ABHD2: variants seen among roughly 807,000 people sequenced by gnomAD.
ABHD2 encodes abhydrolase domain containing 2, acylglycerol lipase.
A neutral mutation model predicts 48.1 loss-of-function variants in ABHD2; 20 were observed. The observed-to-expected ratio is 0.42, with a 90% CI of 0.29 to 0.60. The LOEUF is 0.60. Ranked by LOEUF, ABHD2 falls within the 20% of genes least tolerant of loss-of-function variation. The pLI is 0.24. For synonymous variants in ABHD2, 209 were observed against 214.2 expected (o/e 0.98, Z 0.21); for missense variants, 405 against 550.9 (o/e 0.74, Z 2.65).
chr15:89,100,411 C>T lies in ABHD2; in HGVS notation c.-107+11848C>T, dbSNP rs1162455360. 1.3e-5 allele frequency among the ~76,000 whole-genome samples: 2 copies of T among 152,014 alleles called. No individual in the cohort carries two copies. Among genetic ancestry groups the T allele is most frequent in the East Asian group, 3.8e-4 (2 of 5,198 alleles). The stretch of plus-strand genomic sequence containing the variant: ...AGTGATCCTCCCACTTGCCCGAAGC[C>T]ACACAACTAGTAAGTAGTGTAGCTG... On this transcript the variant is annotated intron_variant, in intron 1 of 10. Coordinates refer to ENST00000352732, the MANE Select transcript of ABHD2 (RefSeq NM_152924.5). The surrounding 1 kb of genome is among the most constrained non-coding windows in gnomAD (Gnocchi z 4.4).
In ABHD2 at chr15:89,120,014, C is replaced by T. The variant is rs149997842; in HGVS notation, c.194+3493C>T. ...GTGAATATTAGTCAGTAATCCTGAC[C>T]GCGGGTAGCTGGTTATGATGACATG... On this transcript the variant is annotated intron_variant, in intron 3 of 10. Coordinates refer to ENST00000352732, the MANE Select transcript of ABHD2 (RefSeq NM_152924.5). The surrounding 1 kb of genome is among the most constrained non-coding windows in gnomAD (Gnocchi z 4.2). Among the ~76,000 whole-genome samples, 17 of 152,206 alleles carry T rather than the reference C, an allele frequency of 1.1e-4. No homozygotes were observed. Among genetic ancestry groups the T allele is most frequent in the African/African-American group, 3.4e-4 (14 of 41,512 alleles).
chr15:89,048,698 G>A, the ABHD2 span, among the ~76,000 whole-genome samples: 1 of 151,912 alleles, frequency 6.6e-6, no homozygotes, highest in Admixed American at 6.6e-5. Context: ...ATCAGCTCCT[G>A]AGGCTTCTGC....
rs766884528 is a variant in ABHD2, at chr15:89,116,418, C to T, written c.91C>T (p.Arg31Trp). ...AVAAVLYVIV[R>W]CLNLKSPTAP... Reference sequence around the variant, plus strand: ...GGCTGCTGTGCTGTACGTGATCGTCCGGTGTTTGAACCTGAAGAGCCCCAC... The same window carrying T: ...GGCTGCTGTGCTGTACGTGATCGTCTGGTGTTTGAACCTGAAGAGCCCCAC... Residue 31 changes from arginine to tryptophan, a missense_variant, in exon 3 of 11, where the codon CGG becomes TGG. Coordinates refer to ENST00000352732, the MANE Select transcript of ABHD2 (RefSeq NM_152924.5). The surrounding 1 kb of genome is among the most constrained non-coding windows in gnomAD (Gnocchi z 4.6). 1.9e-6 allele frequency: 3 copies of T among 1,614,216 alleles called. No homozygotes were observed. The highest frequency in any genetic ancestry group is 2.5e-6 in the Non-Finnish European group (3 of 1,180,036).
At chr15:89,045,725 G>C in the ABHD2 span, among the ~76,000 whole-genome samples, 2 of 152,266 alleles carry the variant, frequency 1.3e-5, no homozygotes, top group Admixed American at 1.3e-4. Flanking sequence ...GAGAATGCTT[G>C]TGATTTTTGT....
chr15:89,131,909 A>G (rs1020510273), intron 3 of ABHD2, among the ~76,000 whole-genome samples: 7 of 152,166 alleles, frequency 4.6e-5, no homozygotes, highest in African/African-American at 1.7e-4. Context: ...AAGCAGGATA[A>G]GCATGGCATT....
the ABHD2 span, among the ~76,000 whole-genome samples, chr15:89,054,706 A>G: frequency 6.6e-6 from 1 of 151,036 alleles, no homozygotes; most frequent in African/African-American, 2.4e-5. Context: ...AAAAAAAAAG[A>G]AAAGGCACCT....
intron 1 of ABHD2, among the ~76,000 whole-genome samples, chr15:89,105,720 C>T (rs1044553998): frequency 6.6e-6 from 1 of 152,258 alleles, no homozygotes; most frequent in Non-Finnish European, 1.5e-5. Context: ...CCCGCCCTTT[C>T]AGGGCAGTCC....
chr15:89,180,572 T>A (rs545582940), intron 6 of ABHD2, among the ~76,000 whole-genome samples: 5 of 152,322 alleles, frequency 3.3e-5, no homozygotes, highest in Admixed American at 1.3e-4. Context: ...CTCTACAGAT[T>A]GACTCTGCCC....
chr15:89,093,628 C>G (rs1015128275), intron 1 of ABHD2: 7 of 152,452 alleles, frequency 4.6e-5, no homozygotes, highest in African/African-American at 1.2e-4. Context: ...TTCTCTCACC[C>G]CAGGAAAAAC....
intron 3 of ABHD2, among the ~76,000 whole-genome samples, chr15:89,122,730 C>A (rs564017792): frequency 1.4e-4 from 21 of 152,318 alleles, no homozygotes; most frequent in Admixed American, 4.6e-4. Flanking sequence ...GCAGCAGGTG[C>A]CCTGTCTCTG....
chr15:89,096,362 G>A (rs967982347), intron 1 of ABHD2, among the ~76,000 whole-genome samples: 2 of 152,216 alleles, frequency 1.3e-5, no homozygotes, highest in Non-Finnish European at 2.9e-5. Context: ...TACTGTTTGT[G>A]CATTTTAAGA....
chr15:89,194,038 C>G (rs181859005), intron 10 of ABHD2, among the ~76,000 whole-genome samples: 126 of 152,216 alleles, frequency 8.3e-4, no homozygotes, highest in African/African-American at 2.9e-3. Flanking sequence ...CTGCAGCAAG[C>G]TATGATTGTG....
chr15:89,093,846 C>G (rs1003830017), intron 1 of ABHD2: 1 of 152,222 alleles, frequency 6.6e-6, no homozygotes, highest in Non-Finnish European at 1.5e-5. Flanking sequence ...CTTTCTATGG[C>G]TAGGCTTATG....
At chr15:89,051,646 G>A in the ABHD2 span, among the ~76,000 whole-genome samples, 1 of 152,120 alleles carries the variant, frequency 6.6e-6, no homozygotes, top group Admixed American at 6.5e-5. Flanking sequence ...TGTTGTTCTC[G>A]TGATAGTGAA....
rs542087710 is a variant in ABHD2 at position 89,100,273 on chromosome 15, T to C, written c.-107+11710T>C. Among the ~76,000 whole-genome samples the C allele has an allele frequency of 4.0e-5, 6 of 151,884 alleles. No individual in the cohort carries two copies. Among genetic ancestry groups the C allele is most frequent in the Admixed American group, 2.0e-4 (3 of 15,272 alleles). ...TGAGCACACCACTCCCAAGTTCACA[T>C]TGTGTTGTTAATTTTTTTTTTTTTT... On this transcript the variant is annotated intron_variant, in intron 1 of 10. Coordinates refer to ENST00000352732, the MANE Select transcript of ABHD2 (RefSeq NM_152924.5). This position sits in a 1 kb window ranked among gnomAD's most constrained non-coding sequence, Gnocchi z 4.4.
At chr15:89,054,008 A>G in the ABHD2 span, among the ~76,000 whole-genome samples, 2 of 152,136 alleles carry the variant, frequency 1.3e-5, no homozygotes, top group Non-Finnish European at 2.9e-5. Context: ...GAGGCAGTAG[A>G]AAACATAGAC....
At chr15:89,076,872 A>G in the ABHD2 span, among the ~76,000 whole-genome samples, 36 of 152,326 alleles carry the variant, frequency 2.4e-4, no homozygotes, top group African/African-American at 8.2e-4. Context: ...TTATAATTTT[A>G]TAAGGTCCCC....
the ABHD2 span, among the ~76,000 whole-genome samples, chr15:89,043,686 G>C: frequency 7.6e-6 from 1 of 130,744 alleles, no homozygotes; most frequent in African/African-American, 2.8e-5. Context: ...GAAGGAGGAG[G>C]GGGAGGAGGA....
At chr15:89,069,796 C>T in the ABHD2 span, among the ~76,000 whole-genome samples, 1 of 147,662 alleles carries the variant, frequency 6.8e-6, no homozygotes, top group African/African-American at 2.5e-5. Context: ...TCTCCTGCCT[C>T]AGCCTCCCAA....
Sources: gnomAD v4.1 joint callset for allele counts (sites outside exome capture counted in the v4.1 genomes callset) on GRCh38, gnomAD v4.1.1 for gene constraint, Gnocchi (gnomAD v3.1) non-coding constraint, MANE v1.5 for transcripts, NCBI Gene and HGNC (gene_info 2026-07-23, HGNC 2026-07-21) for gene names.